Variants in RUFY4 observed in about 807,000 individuals in gnomAD.
RUFY4 encodes the protein RUN and FYVE domain-containing protein 4.
Under a neutral mutation model 69.0 loss-of-function variants are expected in RUFY4, and 73 were observed. That is an observed-to-expected ratio of 1.06 (90% CI 0.88 to 1.29). RUFY4 has a LOEUF of 1.29. RUFY4 is among the 50% of genes most tolerant of loss of function. The pLI is 0.00. For synonymous variants in RUFY4, 287 were observed against 271.8 expected, an observed-to-expected ratio of 1.06 and a Z score of -0.55; for missense variants, 770 against 705.6, an observed-to-expected ratio of 1.09 and a Z score of -1.03.
chr2:218,067,425 C>T (rs1275393120), upstream of RUFY4, among the ~76,000 whole-genome samples: 1 of 152,228 alleles, frequency 6.6e-6, no homozygotes, highest in Non-Finnish European at 1.5e-5. Flanking sequence ...AGGGGATCAG[C>T]ACCCAGTAGA....
chr2:218,085,404 G>A (rs1303385464), intron 9 of RUFY4, among the ~76,000 whole-genome samples: 3 of 152,116 alleles, frequency 2.0e-5, no homozygotes, highest in Non-Finnish European at 2.9e-5. Context: ...CTTCTGCGTC[G>A]GGATGGTGGA....
At chr2:218,075,195 G>C in exon 7 of RUFY4, 1 of 1,558,288 alleles carries the variant, frequency 6.4e-7, no homozygotes, top group African/African-American at 1.4e-5. Flanking sequence ...GCAGCTGGCA[G>C]GGCTTCCCAG....
At chr2:218,054,554 CAAA>C (rs35697446) in intron 2 of RUFY4, among the ~76,000 whole-genome samples, 3 of 79,914 alleles carry the variant, frequency 3.8e-5, no homozygotes, top group Non-Finnish European at 2.8e-5. Flanking sequence ...GACTCTGTCT[CAAA>C]AAAAAAAAAA....
intron 7 of RUFY4, 90 bp from the exon 10 acceptor site, chr2:218,076,337 G>GA: frequency 1.3e-6 from 2 of 1,485,704 alleles, no homozygotes; most frequent in Non-Finnish European, 9.0e-7. Context: ...ATGGCCTGGG[G>GA]TCTCTCGGGA....
At chr2:218,074,033 A>G in intron 6 of RUFY4, 148 bp downstream of exon 8, 2 of 802,300 alleles carry the variant, frequency 2.5e-6, no homozygotes, top group Admixed American at 4.3e-5. Flanking sequence ...TGTGTGGAGC[A>G]GGGGACTGGG....
At chr2:218,050,291 A>G (rs1294895145) in intron 2 of RUFY4, among the ~76,000 whole-genome samples, 1 of 152,150 alleles carries the variant, frequency 6.6e-6, no homozygotes, top group Non-Finnish European at 1.5e-5. Context: ...GTGTCCACAT[A>G]TCTTATTCCT....
At chr2:218,070,495 T>C (rs1339515454), upstream of RUFY4, 1 of 937,696 alleles carries the variant, frequency 1.1e-6, no homozygotes. Flanking sequence ...ACTTTCCCTC[T>C]GTAGGCTCTG....
Position 218,074,044 on chromosome 2 carries a change from G to A in RUFY4, c.600+159G>A, listed in dbSNP as rs954330607. 1.5e-5 allele frequency: 11 copies of A among 735,332 alleles called. No homozygotes were observed. The African/African-American group carries it at 1.6e-4, about 11-fold the overall frequency. 45.6% of individuals were successfully genotyped at this position (735,332 alleles called of 1,614,324 possible). On this transcript the variant is annotated intron_variant, in intron 6 of 10. Coordinates refer to ENST00000344321, the Ensembl canonical transcript of RUFY4. ...CCAGTGTGTGGAGCAGGGGACTGGG[G>A]AGCTGCAGAGGAGGAGAGGGCTCCT...
intron 8 of RUFY4, among the ~76,000 whole-genome samples, chr2:218,080,996 A>T (rs953253976): frequency 6.6e-6 from 1 of 152,220 alleles, no homozygotes; most frequent in Non-Finnish European, 1.5e-5. Context: ...GTCTCCTAAC[A>T]TTGTGAAAAC....
chr2:218,076,401 C>CCTT (rs1689632091), intron 7 of RUFY4, 26 bp from the exon 10 acceptor site: 1 of 1,547,246 alleles, frequency 6.5e-7, no homozygotes. Flanking sequence ...CCTTCAGCCT[C>CCTT]CTTCTCCCCT....
intron 10 of RUFY4, chr2:218,089,664 C>G: frequency 1.4e-6 from 1 of 702,932 alleles, no homozygotes; most frequent in East Asian, 2.7e-5. Context: ...AAGCTGCTCC[C>G]CCTCCTTCCT....
chr2:218,088,144 G>A (rs1210423442), intron 9 of RUFY4, among the ~76,000 whole-genome samples: 1 of 152,090 alleles, frequency 6.6e-6, no homozygotes, highest in Non-Finnish European at 1.5e-5. Context: ...TAAATCATAT[G>A]CATGTATTAT....
intron 2 of RUFY4, among the ~76,000 whole-genome samples, chr2:218,036,777 A>G (rs1012807570): frequency 6.6e-6 from 1 of 152,250 alleles, no homozygotes; most frequent in Non-Finnish European, 1.5e-5. Context: ...CACAGCGTGA[A>G]GTCATCAACT....
chr2:218,064,430 T>A (rs1305014497), upstream of RUFY4, among the ~76,000 whole-genome samples: 1 of 152,188 alleles, frequency 6.6e-6, no homozygotes, highest in Non-Finnish European at 1.5e-5. Flanking sequence ...TCTCCAGTGC[T>A]GATCCCATTC....
At chr2:218,055,260 T>C (rs551997576) in intron 2 of RUFY4, among the ~76,000 whole-genome samples, 1 of 152,082 alleles carries the variant, frequency 6.6e-6, no homozygotes, top group South Asian at 2.1e-4. Context: ...CCAGGCGTCA[T>C]GGCAGGCACC....
intron 10 of RUFY4, chr2:218,089,723 A>G (rs1013770224): frequency 1.4e-6 from 1 of 703,790 alleles, no homozygotes; most frequent in African/African-American, 1.7e-5. Flanking sequence ...AAAGTGAGCC[A>G]CCAGGAGAAG....
chr2:218,085,938 A>T (rs548916594), intron 9 of RUFY4, among the ~76,000 whole-genome samples: 2 of 152,316 alleles, frequency 1.3e-5, no homozygotes, highest in East Asian at 3.9e-4. Flanking sequence ...AATGACAACC[A>T]AGGATCCCCA....
In RUFY4 at chr2:218,073,414, C is replaced by T. The variant is rs750885916; in HGVS notation, c.530+28C>T. ...GAGTGGGTGCAGCCAGGAGAGAAGT[C>T]TCTTTTGACACCTGGTCCCATGGCC... On this transcript the variant is annotated intron_variant, in intron 5 of 10. Coordinates refer to ENST00000344321, the Ensembl canonical transcript of RUFY4. The T allele has an allele frequency of 2.5e-6, 4 of 1,576,238 alleles. No homozygotes were observed. The East Asian group carries it at 7.0e-5, about 28-fold the overall frequency.
intron 2 of RUFY4, among the ~76,000 whole-genome samples, chr2:218,041,678 C>A (rs974839369): frequency 6.6e-6 from 1 of 151,862 alleles, no homozygotes; most frequent in African/African-American, 2.4e-5. Flanking sequence ...AGTTTGTTGG[C>A]TACTTCTGAA....
Sources: gnomAD v4.1 joint callset for allele counts (sites outside exome capture counted in the v4.1 genomes callset) on GRCh38, gnomAD v4.1.1 for gene constraint, MANE v1.5 for transcripts, NCBI Gene and HGNC (gene_info 2026-07-23, HGNC 2026-07-21) for gene names.